CPXM2: variants seen among roughly 807,000 people sequenced by gnomAD.
CPXM2 encodes the protein inactive carboxypeptidase-like protein X2.
CPXM2 carries 66 observed loss-of-function variants against 86.1 expected under a neutral mutation model. The ratio of observed to expected loss-of-function variants is 0.77; its 90% CI spans 0.63 to 0.94. CPXM2 has a LOEUF of 0.94. Ranked by LOEUF, CPXM2 falls within the 40% of genes least tolerant of loss-of-function variation. The pLI is 0.00. For synonymous variants in CPXM2, 388 were observed against 400.2 expected (o/e 0.97, Z 0.36); for missense variants, 948 against 1,026.3 (o/e 0.92, Z 1.04).
At chr10:123,895,739 G>A (rs1945332768), upstream of CPXM2, among the ~76,000 whole-genome samples, 1 of 152,218 alleles carries the variant, frequency 6.6e-6, no homozygotes, top group South Asian at 2.1e-4. Context: ...CTGGATGTCA[G>A]CCGTGCTATA....
intron 2 of CPXM2, among the ~76,000 whole-genome samples, chr10:123,936,527 G>A (rs928799969): frequency 6.6e-6 from 1 of 152,114 alleles, no homozygotes; most frequent in Non-Finnish European, 1.5e-5. Flanking sequence ...CAAGTAAAGC[G>A]AGGCTACTTT....
intron 7 of CPXM2, 110 bp from the exon 8 acceptor site, chr10:123,771,149 G>T: frequency 1.0e-6 from 1 of 977,546 alleles, no homozygotes; most frequent in Non-Finnish European, 1.6e-6. Context: ...CCTCCCAAGC[G>T]CCCCCACATT....
intron 3 of CPXM2, among the ~76,000 whole-genome samples, chr10:123,857,681 C>A (rs931983754): frequency 6.6e-6 from 1 of 150,958 alleles, no homozygotes; most frequent in Non-Finnish European, 1.5e-5. Context: ...TGGAAGGCGG[C>A]GTGGAGCTGC....
rs377375054 is a variant in CPXM2, at chr10:123,746,842, C to T, written c.2193G>A (p.Glu731=). ...GGCTGACGGGCTGCTTCCCAAACTT[C>T]TCCATGATCTCTCGGATCCTGGCCA... is the stretch of plus-strand genomic sequence containing the variant. ...TNMARIREIM[E]KFGKQPVSLP... is the part of the protein sequence containing the mutation. Residue 731 remains glutamate, a synonymous_variant, in exon 14 of 14, where the codon GAG becomes GAA. Coordinates refer to ENST00000241305, the MANE Select transcript of CPXM2 (RefSeq NM_198148.3). 6.2e-7 allele frequency: 1 copy of T among 1,614,230 alleles called. No individual in the cohort carries two copies. Among genetic ancestry groups the T allele is most frequent in the Non-Finnish European group, 8.5e-7 (1 of 1,180,044 alleles).
In CPXM2 at chr10:123,876,118, A is replaced by G. The variant is rs550448837; in HGVS notation, c.403+4093T>C. 6.6e-4 allele frequency among the ~76,000 whole-genome samples: 101 copies of G among 152,074 alleles called. 1 individual carries two copies. In the South Asian group the frequency reaches 0.021, roughly 31 times the overall value. On this transcript the variant is annotated intron_variant, in intron 2 of 13. Coordinates refer to ENST00000241305, the MANE Select transcript of CPXM2 (RefSeq NM_198148.3). ...AGGCTTGAGCTACTGCACCCGGCTG[A>G]TCATGTTTCTTTCCTACAGATCTTG...
At chr10:123,912,513 C>T (rs1173198154) in intron 2 of CPXM2, among the ~76,000 whole-genome samples, 1 of 152,248 alleles carries the variant, frequency 6.6e-6, no homozygotes, top group Non-Finnish European at 1.5e-5. Flanking sequence ...CCCTCCCAGA[C>T]ATTGCACCGG....
At chr10:123,859,545 G>C (rs957708144) in intron 3 of CPXM2, among the ~76,000 whole-genome samples, 1 of 152,376 alleles carries the variant, frequency 6.6e-6, no homozygotes, top group East Asian at 1.9e-4. Context: ...GTCTGGGGTT[G>C]ACACCAGGTA....
intron 1 of CPXM2, chr10:123,886,821 G>T (rs1247572992): frequency 1.3e-5 from 2 of 152,170 alleles, no homozygotes; most frequent in African/African-American, 4.8e-5. Flanking sequence ...GGAGGAAAAG[G>T]ATAAGTTCTA....
chr10:123,882,790 C>T (rs567086491), intron 1 of CPXM2, among the ~76,000 whole-genome samples: 1 of 149,298 alleles, frequency 6.7e-6, no homozygotes, highest in Non-Finnish European at 1.5e-5. Flanking sequence ...AACCCCCCCC[C>T]ACCATAACAC....
intron 2 of CPXM2, among the ~76,000 whole-genome samples, chr10:123,864,186 A>C (rs1848926049): frequency 6.6e-6 from 1 of 151,910 alleles, no homozygotes; most frequent in African/African-American, 2.4e-5. Flanking sequence ...TGCCTTAGAC[A>C]CAGTCAGCAT....
chr10:123,901,934 G>A (rs140414122), intron 2 of CPXM2, among the ~76,000 whole-genome samples: 14 of 152,262 alleles, frequency 9.2e-5, no homozygotes, highest in African/African-American at 3.4e-4. Context: ...TTTTTCATTT[G>A]CCTGAATTGC....
intron 10 of CPXM2, among the ~76,000 whole-genome samples, chr10:123,766,435 G>A (rs1846473199): frequency 6.6e-6 from 1 of 152,192 alleles, no homozygotes; most frequent in African/African-American, 2.4e-5. Flanking sequence ...TCAGAGTAAG[G>A]AGCTCAACTA....
At chr10:123,765,157 A>AT (rs1846439354) in intron 10 of CPXM2, among the ~76,000 whole-genome samples, 1 of 152,146 alleles carries the variant, frequency 6.6e-6, no homozygotes, top group Non-Finnish European at 1.5e-5. Flanking sequence ...TTTATCATCA[A>AT]TTTTTTAAAA....
chr10:123,839,200 C>T (rs973100307), intron 4 of CPXM2, among the ~76,000 whole-genome samples: 2 of 152,088 alleles, frequency 1.3e-5, no homozygotes, highest in Admixed American at 6.5e-5. Context: ...GAGTAGTTAT[C>T]CCATTTTTAG....
intron 8 of CPXM2, 66 bp from the exon 9 acceptor site, chr10:123,768,788 C>A: frequency 7.1e-7 from 1 of 1,399,100 alleles, no homozygotes; most frequent in South Asian, 1.2e-5. Context: ...CGGTGCTTGT[C>A]ACATTGTGTT....
intron 4 of CPXM2, among the ~76,000 whole-genome samples, chr10:123,819,403 G>A (rs1026351080): frequency 2.6e-5 from 4 of 152,194 alleles, no homozygotes; most frequent in African/African-American, 9.7e-5. Flanking sequence ...AAGGCAAAGG[G>A]AATACAGAAT....
At chr10:123,931,859 C>T (rs552210680) in intron 2 of CPXM2, among the ~76,000 whole-genome samples, 4 of 152,270 alleles carry the variant, frequency 2.6e-5, no homozygotes, top group African/African-American at 9.6e-5. Flanking sequence ...CTTTCTCAAA[C>T]TATGTGCCAT....
chr10:123,930,257 C>G (rs1945656405), intron 2 of CPXM2, among the ~76,000 whole-genome samples: 1 of 152,240 alleles, frequency 6.6e-6, no homozygotes, highest in Non-Finnish European at 1.5e-5. Context: ...GCTCAAACCT[C>G]CATCCCACAG....
chr10:123,758,286 T>C (rs896206803), intron 11 of CPXM2, among the ~76,000 whole-genome samples: 5 of 152,152 alleles, frequency 3.3e-5, no homozygotes, highest in Non-Finnish European at 5.9e-5. Flanking sequence ...GAAATCAAGG[T>C]GTCTGTGGTC....
Sources: allele counts gnomAD v4.1 joint callset (sites outside exome capture counted in the v4.1 genomes callset), GRCh38; gene constraint gnomAD v4.1.1; transcripts MANE v1.5; gene names NCBI Gene and HGNC (gene_info 2026-07-23, HGNC 2026-07-21).